LIAT1: variants seen among roughly 807,000 people sequenced by gnomAD.
LIAT1 encodes protein LIAT1.
the LIAT1 span, chr17:413,176 C>A: frequency 6.2e-7 from 1 of 1,614,122 alleles, no homozygotes; most frequent in Non-Finnish European, 8.5e-7. Context: ...GCCTGAAGAG[C>A]CAGCCGCTTT....
At chr17:411,386 G>C in the LIAT1 span, among the ~76,000 whole-genome samples, 1 of 152,148 alleles carries the variant, frequency 6.6e-6, no homozygotes, top group Non-Finnish European at 1.5e-5. Flanking sequence ...TGAAACTAAA[G>C]GGCGGGACGC....
the LIAT1 span, chr17:410,415 C>T: frequency 2.0e-6 from 3 of 1,532,760 alleles, no homozygotes; most frequent in South Asian, 3.6e-5. Flanking sequence ...GCCTCGGGCG[C>T]CCCCGGGGCG....
At chr17:413,117 A>G in the LIAT1 span, 11 of 1,604,042 alleles carry the variant, frequency 6.9e-6, no homozygotes, top group Admixed American at 1.7e-5. Context: ...AGACATTGCC[A>G]CAAACACTAA....
chr17:413,676 A>T, the LIAT1 span: 1 of 1,565,300 alleles, frequency 6.4e-7, no homozygotes, highest in East Asian at 2.3e-5. Flanking sequence ...TTCCACACTG[A>T]CCCCGAGGCC....
At chr17:414,289 A>G in the LIAT1 span, 1 of 737,574 alleles carries the variant, frequency 1.4e-6, no homozygotes, top group East Asian at 2.5e-5. This position sits in a 1 kb window ranked among gnomAD's most constrained non-coding sequence, Gnocchi z 4.1. Flanking sequence ...CAGGAGAGCC[A>G]CAGTGCCTTG....
At chr17:413,055 C>A in the LIAT1 span, 1 of 1,479,864 alleles carries the variant, frequency 6.8e-7, no homozygotes, top group Admixed American at 2.0e-5. Context: ...GGGCCCCCAT[C>A]CTCCTCTTCC....
the LIAT1 span, chr17:410,410 G>T: frequency 1.3e-6 from 2 of 1,530,818 alleles, no homozygotes; most frequent in East Asian, 2.5e-5. Flanking sequence ...ATCGGGCCTC[G>T]GGCGCCCCCG....
chr17:412,342 T>G, the LIAT1 span, among the ~76,000 whole-genome samples: 1 of 151,836 alleles, frequency 6.6e-6, no homozygotes, highest in Admixed American at 6.6e-5. Context: ...AAAAAGAAAT[T>G]TGGCAGTTCA....
chr17:414,055 T>G, the LIAT1 span: 1 of 1,614,278 alleles, frequency 6.2e-7, no homozygotes, highest in Non-Finnish European at 8.5e-7. This position sits in a 1 kb window ranked among gnomAD's most constrained non-coding sequence, Gnocchi z 4.1. Context: ...ATCTCTGTTT[T>G]GAAGGAAACC....
At chr17:410,395 T>G in the LIAT1 span, 1 of 1,524,958 alleles carries the variant, frequency 6.6e-7, no homozygotes, top group Non-Finnish European at 8.7e-7. Flanking sequence ...CGCCGATTAG[T>G]CGGCATCGGG....
At chr17:414,334 C>A in the LIAT1 span, 2 of 559,894 alleles carry the variant, frequency 3.6e-6, no homozygotes, top group Non-Finnish European at 6.2e-6. This position sits in a 1 kb window ranked among gnomAD's most constrained non-coding sequence, Gnocchi z 4.1. Context: ...GAGTTCTTTT[C>A]AGAATTTCCT....
At chr17:413,794 T>G in the LIAT1 span, 2 of 1,284,314 alleles carry the variant, frequency 1.6e-6, no homozygotes, top group Non-Finnish European at 2.0e-6. Context: ...GTTTCCACAC[T>G]GACCCCGAGG....
chr17:412,034 C>A, the LIAT1 span, among the ~76,000 whole-genome samples: 1 of 152,178 alleles, frequency 6.6e-6, no homozygotes, highest in Non-Finnish European at 1.5e-5. Flanking sequence ...ACTTCTCAGG[C>A]GTAATACAAA....
the LIAT1 span, chr17:410,517 G>A: frequency 3.2e-6 from 5 of 1,545,620 alleles, 1 homozygote; most frequent in South Asian, 6.0e-5. Flanking sequence ...GGAGGAGCGG[G>A]AGGGCGGCGC....
the LIAT1 span, chr17:414,282 G>A: frequency 5.2e-6 from 4 of 774,944 alleles, no homozygotes; most frequent in Admixed American, 1.0e-4. This position sits in a 1 kb window ranked among gnomAD's most constrained non-coding sequence, Gnocchi z 4.1. Flanking sequence ...GGTTGCCCAG[G>A]AGAGCCACAG....
chr17:410,733 G>T, the LIAT1 span: 2 of 1,303,532 alleles, frequency 1.5e-6, no homozygotes, highest in Non-Finnish European at 2.1e-6. Context: ...CTTCAGACCG[G>T]AAACAGAAGC....
At chr17:412,162 C>T in the LIAT1 span, among the ~76,000 whole-genome samples, 12 of 152,164 alleles carry the variant, frequency 7.9e-5, no homozygotes, top group African/African-American at 2.7e-4. Context: ...GGTGAAACCC[C>T]GTCTCTACTG....
At chr17:410,458 G>A in the LIAT1 span, 21 of 1,540,170 alleles carry the variant, frequency 1.4e-5, no homozygotes, top group Non-Finnish European at 1.7e-5. Context: ...CGGCTGGACC[G>A]CCGCGGTGGG....
At chr17:410,859 C>G in the LIAT1 span, among the ~76,000 whole-genome samples, 3 of 152,134 alleles carry the variant, frequency 2.0e-5, no homozygotes, top group Admixed American at 2.0e-4. Flanking sequence ...CTTAGCCCCA[C>G]ACAGAGACCC....
Sources: allele counts gnomAD v4.1 joint callset (sites outside exome capture counted in the v4.1 genomes callset), GRCh38; gene constraint gnomAD v4.1.1; non-coding constraint Gnocchi (gnomAD v3.1); transcripts MANE v1.5; gene names NCBI Gene and HGNC (gene_info 2026-07-23, HGNC 2026-07-21).